ZW10: variants seen among roughly 807,000 people sequenced by gnomAD.
ZW10 encodes the protein centromere/kinetochore protein zw10 homolog.
In ZW10, 53 loss-of-function variants were observed where a neutral mutation model predicts 87.8. The ratio of observed to expected loss-of-function variants is 0.60; its 90% CI spans 0.48 to 0.76. The LOEUF is 0.76. ZW10 is among the 30% of genes least tolerant of loss of function. The pLI is 0.00. For synonymous variants in ZW10, 312 were observed against 329.2 expected (o/e 0.95, Z 0.57); for missense variants, 837 against 923.0 (o/e 0.91, Z 1.21).
In ZW10 at chr11:113,733,652, G is replaced by T; in HGVS notation, c.*42C>A. ...TAAGGGAGTAATTATGCCAAGGGAA[G>T]AATCCACATATTCAAGACATAGCTT... is the stretch of plus-strand genomic sequence containing the variant. On this transcript the variant is annotated 3_prime_UTR_variant, in exon 16 of 16. Transcript: ENST00000200135. The T allele has an allele frequency of 6.2e-7, 1 of 1,612,588 alleles. No homozygotes were observed. Among genetic ancestry groups the T allele is most frequent in the Non-Finnish European group, 8.5e-7 (1 of 1,179,808 alleles).
At chr11:113,771,120 C>G (rs796503839) in intron 1 of ZW10, 1 of 151,910 alleles carries the variant, frequency 6.6e-6, no homozygotes, top group Non-Finnish European at 1.5e-5. Flanking sequence ...GGATTACAGG[C>G]GCCCACCACC....
At chr11:113,760,637 T>C (rs764638485) in intron 3 of ZW10, 47 bp from the exon 4 acceptor site, 5 of 1,500,776 alleles carry the variant, frequency 3.3e-6, no homozygotes, top group Non-Finnish European at 4.6e-6. Context: ...ATTTCAAGTC[T>C]GTTTGCTTTT....
chr11:113,738,329 C>T lies in ZW10; in HGVS notation c.1819G>A (p.Ala607Thr). Reference sequence around the variant, plus strand: ...TCGTCCATATTTGAAAAGTTCCTAGCACTTGATAATCTTTCCAGAAGTTCA... The same window carrying T: ...TCGTCCATATTTGAAAAGTTCCTAGTACTTGATAATCTTTCCAGAAGTTCA... ...KGELLERLSS[A>T]RNFSNMDDEE... The change falls in exon 13 of 16, where the codon GCT (alanine) becomes ACT (threonine). Residue 607 changes from alanine (A) to threonine (T), a missense_variant. Coordinates refer to ENST00000200135, the MANE Select transcript of ZW10 (RefSeq NM_004724.4). The T allele has an allele frequency of 1.2e-6, 2 of 1,613,470 alleles. No individual in the cohort carries two copies. Among genetic ancestry groups the T allele is most frequent in the Non-Finnish European group, 1.7e-6 (2 of 1,179,736 alleles).
chr11:113,764,241 C>T (rs1215824986), intron 2 of ZW10, among the ~76,000 whole-genome samples: 1 of 152,162 alleles, frequency 6.6e-6, no homozygotes, highest in Non-Finnish European at 1.5e-5. Context: ...GGTACCAGTA[C>T]CATGCTGTTT....
intron 1 of ZW10, among the ~76,000 whole-genome samples, chr11:113,772,192 T>C (rs1953974106): frequency 6.6e-6 from 1 of 152,198 alleles, no homozygotes; most frequent in African/African-American, 2.4e-5. Flanking sequence ...CTCAATTGGC[T>C]GAAGATTCAA....
chr11:113,734,570 C>T (rs993844420), intron 15 of ZW10, among the ~76,000 whole-genome samples: 7 of 151,958 alleles, frequency 4.6e-5, no homozygotes, highest in Non-Finnish European at 7.4e-5. Flanking sequence ...TTTGGGAGGC[C>T]GAGGAAGGCA....
chr11:113,747,539 T>C lies in ZW10; in HGVS notation c.1264A>G (p.Thr422Ala), dbSNP rs1358970102. The C allele has an allele frequency of 5.0e-6, 8 of 1,612,000 alleles. No homozygotes were observed. Among genetic ancestry groups the C allele is most frequent in the East Asian group, 4.5e-5 (2 of 44,830 alleles). Reference sequence around the variant, plus strand: ...CAATATAACACTGGTACCTTCACAGTGTTATGAATTTCTGAGGTCATTAGA... The same window carrying C: ...CAATATAACACTGGTACCTTCACAGCGTTATGAATTTCTGAGGTCATTAGA... ...RNLMTSEIHN[T>A]VKIIPDSKIN... The change falls in exon 9 of 16, where the codon ACT becomes GCT. Residue 422 changes from threonine (T) to alanine (A), a missense_variant. By Grantham distance (58) the Thr-to-Ala change is moderately conservative. Transcript: ENST00000200135.
chr11:113,749,216 A>G (rs1002204285), intron 7 of ZW10, among the ~76,000 whole-genome samples: 2 of 152,122 alleles, frequency 1.3e-5, no homozygotes, highest in African/African-American at 4.8e-5. Flanking sequence ...GCCTTAGAAG[A>G]AAGTGAACAT....
At chr11:113,764,938 G>A (rs1210473326) in intron 2 of ZW10, among the ~76,000 whole-genome samples, 1 of 151,948 alleles carries the variant, frequency 6.6e-6, no homozygotes, top group Non-Finnish European at 1.5e-5. Flanking sequence ...CTTCCTGATT[G>A]TCTTACTCCA....
At chr11:113,749,373 C>G (rs969464475) in intron 7 of ZW10, among the ~76,000 whole-genome samples, 2 of 152,086 alleles carry the variant, frequency 1.3e-5, no homozygotes, top group South Asian at 4.2e-4. Context: ...TTTTGATTAA[C>G]TGAGATTTAA....
rs141987383 is a variant in ZW10 at position 113,765,906 on chromosome 11, G to A, written c.240+2927C>T. 7.2e-5 allele frequency among the ~76,000 whole-genome samples: 11 copies of A among 152,200 alleles called. No individual in the cohort carries two copies. In the East Asian group the frequency reaches 1.2e-3, roughly 16 times the overall value. ...TGCTTGCTACCCATTAAAAAGAGTCGGGTTCCTTAAAGTCAGGAGTCCTTT... is the reference window on the plus strand; with the variant it reads ...TGCTTGCTACCCATTAAAAAGAGTCAGGTTCCTTAAAGTCAGGAGTCCTTT... On this transcript the variant is annotated intron_variant, in intron 2 of 15. Coordinates refer to ENST00000200135, the MANE Select transcript of ZW10 (RefSeq NM_004724.4).
intron 7 of ZW10, among the ~76,000 whole-genome samples, chr11:113,753,405 TG>T (rs1953753561): frequency 6.6e-6 from 1 of 152,142 alleles, no homozygotes; most frequent in Non-Finnish European, 1.5e-5. Flanking sequence ...TTTTGTTTTT[TG>T]TTTTGTTTTG....
chr11:113,753,093 G>A (rs1036709498), intron 7 of ZW10, among the ~76,000 whole-genome samples: 2 of 151,782 alleles, frequency 1.3e-5, no homozygotes, highest in African/African-American at 4.8e-5. Context: ...CTTGTGTCAC[G>A]GGGGTTTGTT....
At chr11:113,772,507 G>A (rs1186927199) in intron 1 of ZW10, among the ~76,000 whole-genome samples, 2 of 152,130 alleles carry the variant, frequency 1.3e-5, no homozygotes, top group Non-Finnish European at 2.9e-5. Flanking sequence ...AATTTTAAAT[G>A]AAAGCAACTG....
At chr11:113,760,178 A>G in intron 5 of ZW10, 31 bp downstream of exon 5, 2 of 1,605,960 alleles carry the variant, frequency 1.2e-6, no homozygotes, top group Non-Finnish European at 1.7e-6. Flanking sequence ...AGGCAGATGA[A>G]GCAAAGCAGT....
At chr11:113,754,371 G>C (rs1565284786) in intron 7 of ZW10, among the ~76,000 whole-genome samples, 1 of 152,032 alleles carries the variant, frequency 6.6e-6, no homozygotes, top group Non-Finnish European at 1.5e-5. Context: ...TGTAATCCCA[G>C]CTACTCAGGA....
At chr11:113,751,865 A>C (rs1490211039) in intron 7 of ZW10, among the ~76,000 whole-genome samples, 1 of 151,760 alleles carries the variant, frequency 6.6e-6, no homozygotes, top group Non-Finnish European at 1.5e-5. Context: ...GCGAGACTCC[A>C]TCTCAAAAAA....
Position 113,760,841 on chromosome 11 carries a change from T to A in ZW10, c.318A>T (p.Leu106=). ...KQQLERDSVV[L]SLLKQLQEFS... ...CCTCCTGCAACTGTTTAAGCAAACT[T>A]AGGACAACTGAGTCTCTTTCCAACT... Residue 106 remains leucine (L), a synonymous_variant, in exon 3 of 16, where the codon CTA becomes CTT. Coordinates refer to ENST00000200135, the MANE Select transcript of ZW10 (RefSeq NM_004724.4). The A allele has an allele frequency of 6.2e-7, 1 of 1,614,114 alleles. No homozygotes were observed. Among genetic ancestry groups the A allele is most frequent in the Non-Finnish European group, 8.5e-7 (1 of 1,180,014 alleles).
intron 15 of ZW10, among the ~76,000 whole-genome samples, chr11:113,734,098 AC>A (rs1953522889): frequency 1.3e-5 from 2 of 152,146 alleles, no homozygotes; most frequent in South Asian, 4.1e-4. Flanking sequence ...AATAATGATG[AC>A]CATACTCTCA....
Sources: gnomAD v4.1 joint callset for allele counts (sites outside exome capture counted in the v4.1 genomes callset) on GRCh38, gnomAD v4.1.1 for gene constraint, MANE v1.5 for transcripts, NCBI Gene and HGNC (gene_info 2026-07-23, HGNC 2026-07-21) for gene names.